SLC25A21: variants seen among roughly 807,000 people sequenced by gnomAD.
SLC25A21 encodes solute carrier family 25 member 21.
SLC25A21 carries 47 observed loss-of-function variants against 43.8 expected under a neutral mutation model. The ratio of observed to expected loss-of-function variants is 1.07; its 90% CI spans 0.85 to 1.37. SLC25A21 has a LOEUF of 1.37. Ranked by LOEUF, SLC25A21 falls within the 40% of genes most tolerant of loss-of-function variation. SLC25A21 has a pLI of 0.00. For synonymous variants in SLC25A21, 131 were observed against 121.3 expected (o/e 1.08, Z -0.52); for missense variants, 352 against 350.2 (o/e 1.00, Z -0.04).
At chr14:37,151,195 A>C (rs1963753408) in intron 1 of SLC25A21, among the ~76,000 whole-genome samples, 1 of 152,184 alleles carries the variant, frequency 6.6e-6, no homozygotes, top group Non-Finnish European at 1.5e-5. Flanking sequence ...ACATTAAATT[A>C]CATGCGACTT....
intron 9 of SLC25A21, among the ~76,000 whole-genome samples, chr14:36,681,408 T>C (rs1291765466): frequency 4.6e-5 from 7 of 152,232 alleles, no homozygotes; most frequent in Non-Finnish European, 1.0e-4. Flanking sequence ...TGAAGAGACA[T>C]GCTCTGTATT....
intron 2 of SLC25A21, among the ~76,000 whole-genome samples, chr14:36,831,561 T>C (rs1447451995): frequency 2.0e-5 from 3 of 152,178 alleles, no homozygotes; most frequent in African/African-American, 4.8e-5. Flanking sequence ...GAGTAGGTAT[T>C]AGAATTAGGG....
intron 3 of SLC25A21, among the ~76,000 whole-genome samples, chr14:36,767,517 C>T (rs1886459381): frequency 6.6e-6 from 1 of 152,112 alleles, no homozygotes; most frequent in Non-Finnish European, 1.5e-5. Flanking sequence ...TTGTGTGGTA[C>T]TTTGGGAAAG....
chr14:37,074,385 G>A (rs1187091533), intron 1 of SLC25A21, among the ~76,000 whole-genome samples: 1 of 152,176 alleles, frequency 6.6e-6, no homozygotes, highest in Non-Finnish European at 1.5e-5. Flanking sequence ...ACTTATGTTA[G>A]ACATTCTTCA....
chr14:36,716,712 A>T lies in SLC25A21; in HGVS notation c.439-5230T>A, dbSNP rs7149277. 4.0e-3 allele frequency among the ~76,000 whole-genome samples: 616 copies of T among 152,248 alleles called. 3 individuals carry two copies. The highest frequency in any genetic ancestry group is 0.017 in the Middle Eastern group (5 of 294). ...CAACTATTTTTTCTGGAGTTCTTCC[A>T]TCTGACTACTGACGATACCTGGCTC... On this transcript the variant is annotated intron_variant, in intron 6 of 9. Transcript: ENST00000331299.
In SLC25A21 at chr14:36,725,572, C is replaced by T; in HGVS notation, c.436G>A (p.Glu146Lys). Reference protein sequence around the residue: ...GLQANRNTFAEQPSTVGYARQ... With the variant: ...GLQANRNTFAKQPSTVGYARQ... ...ATAGAAAAACATTAAATGGTTACCTCTGCAAATGTGTTCCGATTTGCTTGC... is the reference window on the plus strand; with the variant it reads ...ATAGAAAAACATTAAATGGTTACCTTTGCAAATGTGTTCCGATTTGCTTGC... Residue 146 changes from glutamate to lysine, a missense_variant and splice_region_variant, in exon 6 of 10, where the codon GAG becomes AAG. Glu to Lys is a moderately conservative substitution (Grantham distance 56, BLOSUM62 1). Coordinates refer to ENST00000331299, the MANE Select transcript of SLC25A21 (RefSeq NM_030631.4). 2 of 1,564,796 alleles carry T rather than the reference C, an allele frequency of 1.3e-6. No homozygotes were observed. Among genetic ancestry groups the T allele is most frequent in the East Asian group, 2.4e-5 (1 of 41,838 alleles).
chr14:36,985,686 C>G (rs75776849), intron 1 of SLC25A21, among the ~76,000 whole-genome samples: 2,988 of 152,250 alleles, frequency 0.02, 97 homozygotes, highest in African/African-American at 0.068. Flanking sequence ...GCTGTTTCTT[C>G]ATTTAATTAA....
chr14:36,698,750 G>T (rs1883149318), intron 7 of SLC25A21, among the ~76,000 whole-genome samples: 1 of 152,078 alleles, frequency 6.6e-6, no homozygotes, highest in Non-Finnish European at 1.5e-5. Context: ...CTCGTGCCAT[G>T]GTTTTCAGCT....
intron 1 of SLC25A21, among the ~76,000 whole-genome samples, chr14:37,039,123 G>C (rs1045617156): frequency 6.6e-6 from 1 of 152,112 alleles, no homozygotes; most frequent in Non-Finnish European, 1.5e-5. Flanking sequence ...TACGGTGAGG[G>C]GTGGGTGCCA....
chr14:36,861,949 G>A (rs77026745), intron 2 of SLC25A21, among the ~76,000 whole-genome samples: 2 of 152,072 alleles, frequency 1.3e-5, no homozygotes, highest in Non-Finnish European at 1.5e-5. Context: ...AGTGCACGAA[G>A]GACATGAACA....
intron 7 of SLC25A21, among the ~76,000 whole-genome samples, chr14:36,699,997 T>C (rs1048265787): frequency 3.9e-5 from 6 of 152,086 alleles, no homozygotes; most frequent in Non-Finnish European, 7.4e-5. Context: ...GGTGCCTCAG[T>C]TGGAAATGCA....
chr14:36,690,203 G>T (rs1016709424), intron 7 of SLC25A21, among the ~76,000 whole-genome samples: 6 of 152,062 alleles, frequency 3.9e-5, no homozygotes, highest in Non-Finnish European at 7.4e-5. Context: ...AATAGCAAAA[G>T]TAAATAGCAA....
At chr14:37,135,219 C>T (rs569702810) in intron 1 of SLC25A21, among the ~76,000 whole-genome samples, 12 of 151,226 alleles carry the variant, frequency 7.9e-5, no homozygotes, top group African/African-American at 2.4e-4. Context: ...TAAGCCACCA[C>T]GCCTGGGCCT....
At chr14:36,883,230 C>T (rs916627688) in intron 1 of SLC25A21, among the ~76,000 whole-genome samples, 3 of 152,154 alleles carry the variant, frequency 2.0e-5, no homozygotes, top group African/African-American at 7.2e-5. Flanking sequence ...TACAACTCTC[C>T]CCTCCACTGG....
At chr14:36,681,531 A>T (rs1471179053) in intron 9 of SLC25A21, among the ~76,000 whole-genome samples, 3 of 152,224 alleles carry the variant, frequency 2.0e-5, no homozygotes, top group African/African-American at 7.2e-5. Context: ...TGCAGTAAAT[A>T]GCATGTGTCC....
At chr14:36,989,930 G>GA (rs1960228317) in intron 1 of SLC25A21, among the ~76,000 whole-genome samples, 1 of 151,958 alleles carries the variant, frequency 6.6e-6, no homozygotes, top group African/African-American at 2.4e-5. Flanking sequence ...GAGAGACCAA[G>GA]AAAAAAATCA....
Position 36,894,679 on chromosome 14 carries a change from T to C in SLC25A21, c.71-19675A>G, listed in dbSNP as rs1454986548. Among the ~76,000 whole-genome samples, 3 of 152,188 alleles carry C rather than the reference T, an allele frequency of 2.0e-5. No homozygotes were observed. In the East Asian group the frequency reaches 5.8e-4, roughly 29 times the overall value. ...CAGTACGATATTGGCTGTGGGTTTG[T>C]CATAGATAGCTCCTATTATTTTGAG... On this transcript the variant is annotated intron_variant, in intron 1 of 9. Transcript: ENST00000331299.
In SLC25A21 at chr14:36,897,381, C is replaced by T. The variant is rs1891273119; in HGVS notation, c.71-22377G>A. 2.6e-5 allele frequency among the ~76,000 whole-genome samples: 4 copies of T among 152,306 alleles called. No homozygotes were observed. The South Asian group carries it at 8.3e-4, about 32-fold the overall frequency. On this transcript the variant is annotated intron_variant, in intron 1 of 9. Coordinates refer to ENST00000331299, the MANE Select transcript of SLC25A21 (RefSeq NM_030631.4). The stretch of plus-strand genomic sequence containing the variant: ...CATGTTCTTGTGCCTTGGTTTTCAG[C>T]TCCATCAGGTCCTTTAAGGACTTCT...
intron 5 of SLC25A21, among the ~76,000 whole-genome samples, chr14:36,727,012 T>C (rs1339822825): frequency 3.3e-5 from 5 of 152,058 alleles, no homozygotes; most frequent in Admixed American, 6.5e-5. Flanking sequence ...GAGGTCTAGG[T>C]TTAGGTCCAA....
Sources: gnomAD v4.1 joint callset for allele counts (sites outside exome capture counted in the v4.1 genomes callset) on GRCh38, gnomAD v4.1.1 for gene constraint, MANE v1.5 for transcripts, NCBI Gene and HGNC (gene_info 2026-07-23, HGNC 2026-07-21) for gene names.